The following SYT1 variants were observed in gnomAD, a reference collection of about 807,000 sequenced individuals.
SYT1 encodes synaptotagmin 1, also known as synaptotagmin-1.
SYT1 carries 8 observed loss-of-function variants against 44.8 expected under a neutral mutation model. That is an observed-to-expected ratio of 0.18 (90% CI 0.10 to 0.32). SYT1 has a LOEUF of 0.32. Ranked by LOEUF, SYT1 falls within the 10% of genes least tolerant of loss-of-function variation. The pLI, the probability that SYT1 is intolerant of heterozygous loss-of-function variation, is 1.00. For synonymous variants in SYT1, 154 were observed against 188.8 expected (o/e 0.82, Z 1.51); for missense variants, 286 against 509.3 (o/e 0.56, Z 4.22).
At chr12:79,370,900 C>CTT (rs2136048465) in intron 9 of SYT1, among the ~76,000 whole-genome samples, 1 of 152,264 alleles carries the variant, frequency 6.6e-6, no homozygotes, top group East Asian at 1.9e-4. Context: ...TTTTAAAACT[C>CTT]TAAAAGATCA....
intron 3 of SYT1, among the ~76,000 whole-genome samples, chr12:79,187,032 AG>A (rs976122550): frequency 6.6e-5 from 10 of 152,118 alleles, no homozygotes; most frequent in African/African-American, 2.4e-4. Context: ...ATTAGATATA[AG>A]AAAGACAGTC....
chr12:79,249,924 A>G (rs1042577236), intron 4 of SYT1, among the ~76,000 whole-genome samples: 1 of 151,982 alleles, frequency 6.6e-6, no homozygotes, highest in Non-Finnish European at 1.5e-5. Context: ...GAAAGCTAGA[A>G]CTCCTTAAAG....
At chr12:78,992,886 G>T (rs1234472997) in intron 2 of SYT1, among the ~76,000 whole-genome samples, 1 of 152,148 alleles carries the variant, frequency 6.6e-6, no homozygotes, top group Non-Finnish European at 1.5e-5. Flanking sequence ...AAAGCAAATA[G>T]AATAGTGTAT....
At chr12:79,209,194 A>T (rs1473252621) in intron 3 of SYT1, among the ~76,000 whole-genome samples, 1 of 152,226 alleles carries the variant, frequency 6.6e-6, no homozygotes, top group East Asian at 1.9e-4. Context: ...AACTAGACAG[A>T]AGATACACCT....
intron 1 of SYT1, among the ~76,000 whole-genome samples, chr12:78,921,741 A>G (rs1005445785): frequency 6.6e-5 from 10 of 151,944 alleles, no homozygotes; most frequent in African/African-American, 2.4e-4. Flanking sequence ...ATATGTTCAC[A>G]TGGCGCTGCT....
chr12:78,991,976 G>T (rs867305325), intron 2 of SYT1, among the ~76,000 whole-genome samples: 2 of 152,196 alleles, frequency 1.3e-5, no homozygotes, highest in South Asian at 4.1e-4. Context: ...ATGTAGATCA[G>T]GGGCCCTAGC....
At chr12:78,896,668 T>A (rs1457738319) in intron 1 of SYT1, among the ~76,000 whole-genome samples, 3 of 151,806 alleles carry the variant, frequency 2.0e-5, no homozygotes, top group African/African-American at 7.2e-5. Flanking sequence ...CAACAATATT[T>A]TCATTAATTA....
intron 3 of SYT1, among the ~76,000 whole-genome samples, chr12:79,198,465 A>G (rs1045331482): frequency 6.6e-6 from 1 of 152,068 alleles, no homozygotes; most frequent in African/African-American, 2.4e-5. Flanking sequence ...AAAGGCATTG[A>G]TTTGGGAATA....
At chr12:79,221,243 T>C (rs1414789915) in intron 4 of SYT1, among the ~76,000 whole-genome samples, 1 of 152,164 alleles carries the variant, frequency 6.6e-6, no homozygotes, top group Non-Finnish European at 1.5e-5. Flanking sequence ...TATATAGTTA[T>C]TCCTGCTCTC....
intron 3 of SYT1, among the ~76,000 whole-genome samples, chr12:79,134,242 A>G (rs1394048902): frequency 6.6e-6 from 1 of 152,142 alleles, no homozygotes; most frequent in African/African-American, 2.4e-5. Flanking sequence ...CTAATAAATC[A>G]TTTTCCTCAA....
At chr12:78,904,663 A>G (rs1450913861) in intron 1 of SYT1, among the ~76,000 whole-genome samples, 1 of 152,124 alleles carries the variant, frequency 6.6e-6, no homozygotes, top group Non-Finnish European at 1.5e-5. Flanking sequence ...TACATATTCC[A>G]TTGTTCAAAA....
intron 1 of SYT1, among the ~76,000 whole-genome samples, chr12:78,935,046 A>G (rs1460563074): frequency 6.6e-6 from 1 of 152,232 alleles, no homozygotes; most frequent in Non-Finnish European, 1.5e-5. Context: ...ATGAAATGCA[A>G]AAACATGGAA....
At chr12:79,095,831 A>G (rs1878091223) in intron 3 of SYT1, among the ~76,000 whole-genome samples, 2 of 151,964 alleles carry the variant, frequency 1.3e-5, no homozygotes, top group African/African-American at 2.4e-5. Context: ...TGAAGATTCA[A>G]TAATTTGTGT....
intron 3 of SYT1, among the ~76,000 whole-genome samples, chr12:79,128,442 T>C (rs531215666): frequency 1.3e-5 from 2 of 152,252 alleles, no homozygotes; most frequent in East Asian, 3.9e-4. Context: ...CATAGATAGA[T>C]AGACAGACAC....
At chr12:79,317,367 T>C (rs974568362) in intron 8 of SYT1, among the ~76,000 whole-genome samples, 3 of 152,216 alleles carry the variant, frequency 2.0e-5, no homozygotes, top group African/African-American at 7.2e-5. Flanking sequence ...ATATCTCCAC[T>C]CTTCTTACTT....
At chr12:79,166,663 T>C (rs545243806) in intron 3 of SYT1, among the ~76,000 whole-genome samples, 1 of 152,078 alleles carries the variant, frequency 6.6e-6, no homozygotes, top group East Asian at 1.9e-4. Context: ...TTTTTAGAAA[T>C]GCAATTGACA....
chr12:78,912,884 T>C (rs568964851), intron 1 of SYT1, among the ~76,000 whole-genome samples: 4 of 152,052 alleles, frequency 2.6e-5, no homozygotes, highest in Non-Finnish European at 5.9e-5. Context: ...TCTACATTGA[T>C]AAATACAAGT....
At chr12:79,419,365 C>A (rs1219853951) in intron 9 of SYT1, 1 of 462,972 alleles carries the variant, frequency 2.2e-6, no homozygotes, top group Admixed American at 2.3e-5. Flanking sequence ...TTCCACTGCA[C>A]CCTTTCTCCA....
At chr12:79,407,768 C>G (rs1207260198) in intron 9 of SYT1, among the ~76,000 whole-genome samples, 2 of 152,074 alleles carry the variant, frequency 1.3e-5, no homozygotes, top group Non-Finnish European at 2.9e-5. Flanking sequence ...CTCTCTTACG[C>G]ACAGTCCAAG....
Sources: gnomAD v4.1 joint callset for allele counts (sites outside exome capture counted in the v4.1 genomes callset) on GRCh38, gnomAD v4.1.1 for gene constraint, MANE v1.5 for transcripts, NCBI Gene and HGNC (gene_info 2026-07-23, HGNC 2026-07-21) for gene names.